The following PRRX2 variants were observed in gnomAD, a reference collection of about 807,000 sequenced individuals.
PRRX2 encodes paired mesoderm homeobox protein 2.
Under a neutral mutation model 18.0 loss-of-function variants are expected in PRRX2, and 11 were observed. The ratio of observed to expected loss-of-function variants is 0.61; its 90% confidence interval spans 0.39 to 1.01. The LOEUF is 1.01. Among genes scored for constraint, PRRX2 ranks in the 50% least tolerant of loss-of-function variants. The pLI is 0.01. For synonymous variants in PRRX2, 177 were observed against 154.8 expected, an observed-to-expected ratio of 1.14 and a Z score of -1.06; for missense variants, 387 against 351.0, an observed-to-expected ratio of 1.10 and a Z score of -0.82.
chr9:129,668,572 G>A (rs913246415), intron 1 of PRRX2, among the ~76,000 whole-genome samples: 7 of 151,844 alleles, frequency 4.6e-5, no homozygotes, highest in African/African-American at 1.5e-4. Context: ...GAGGTCAGGA[G>A]TTTGAGACAA....
rs560529961 is a variant in PRRX2, at chr9:129,676,523, CAG to C, written c.259+10398_259+10399del. Reference sequence around the variant, plus strand: ...GCTAAGTGACTTGCCCAAGGTCACACAGGGGGTGGAGAAGCCAGAGCCCATGT... The same window carrying C: ...GCTAAGTGACTTGCCCAAGGTCACACGGGGTGGAGAAGCCAGAGCCCATGT... On this transcript the variant is annotated intron_variant, in intron 1 of 3. Transcript: ENST00000372469. Among the ~76,000 whole-genome samples, 478 of 152,286 alleles carry C rather than the reference CAG, an allele frequency of 3.1e-3. 3 individuals are homozygous for C. The highest frequency in any genetic ancestry group is 0.01 in the African/African-American group (433 of 41,550).
At chr9:129,693,368 CGGATCACCT>C (rs977677866) in intron 1 of PRRX2, among the ~76,000 whole-genome samples, 1 of 152,106 alleles carries the variant, frequency 6.6e-6, no homozygotes, top group African/African-American at 2.4e-5. Context: ...CCAAGGCGGG[CGGATCACCT>C]GAGGTCAGGA....
chr9:129,719,949 T>G (rs113969401), intron 2 of PRRX2, among the ~76,000 whole-genome samples: 2 of 152,280 alleles, frequency 1.3e-5, no homozygotes, highest in African/African-American at 4.8e-5. Flanking sequence ...ATTGCGCCAC[T>G]GCACTCCAGC....
chr9:129,702,127 G>T (rs566149897), intron 1 of PRRX2, among the ~76,000 whole-genome samples: 1 of 151,114 alleles, frequency 6.6e-6, no homozygotes, highest in East Asian at 2.0e-4. Context: ...GCCAGGCGCG[G>T]TGGCTCACAC....
intron 1 of PRRX2, among the ~76,000 whole-genome samples, chr9:129,683,813 G>A (rs1564147098): frequency 6.6e-6 from 1 of 152,334 alleles, no homozygotes; most frequent in East Asian, 1.9e-4. Flanking sequence ...GAGAAGCACA[G>A]GGGCCTCTGG....
rs920244125 is a variant in PRRX2, at chr9:129,684,522, A to C, written c.259+18396A>C. ...CACACACACACACACACACACACACACCCACACACACCCCAACAGAAAAGA... is the reference window on the plus strand; with the variant it reads ...CACACACACACACACACACACACACCCCCACACACACCCCAACAGAAAAGA... On this transcript the variant is annotated intron_variant, in intron 1 of 3. Coordinates refer to ENST00000372469, the MANE Select transcript of PRRX2 (RefSeq NM_016307.4). 1.9e-3 allele frequency among the ~76,000 whole-genome samples: 76 copies of C among 39,678 alleles called. 1 individual carries two copies. The highest frequency in any genetic ancestry group is 5.5e-3 in the Admixed American group (28 of 5,052). The allele number at this position is 39,678 out of a possible 152,430, so 26.0% of individuals were successfully genotyped here.
In PRRX2 at chr9:129,722,592, G is replaced by A. The variant is rs1832809239; in HGVS notation, c.*240G>A. On this transcript the variant is annotated 3_prime_UTR_variant, in exon 4 of 4. Transcript: ENST00000372469. The stretch of plus-strand genomic sequence containing the variant: ...GTTGGGCCGGAAGGTGGAAGAGCCT[G>A]CCAAGGACCTCATTTAGTTTGTGTA... The A allele has an allele frequency of 2.5e-6, 1 of 395,578 alleles. No individual in the cohort carries two copies. The highest frequency in any genetic ancestry group is 2.1e-5 in the African/African-American group (1 of 48,702). 24.5% of individuals were successfully genotyped at this position (395,578 alleles called of 1,614,324 possible).
chr9:129,721,806 C>A (rs372974125), intron 3 of PRRX2, among the ~76,000 whole-genome samples: 3 of 152,158 alleles, frequency 2.0e-5, no homozygotes, highest in Non-Finnish European at 4.4e-5. Flanking sequence ...GTCTCGAACT[C>A]CTGATCTCAG....
intron 1 of PRRX2, among the ~76,000 whole-genome samples, chr9:129,683,084 G>A (rs1489973738): frequency 6.6e-6 from 1 of 151,994 alleles, no homozygotes; most frequent in Non-Finnish European, 1.5e-5. Context: ...CTCCAGCCTG[G>A]GTGAGAGTGA....
chr9:129,705,698 T>C (rs1472365647), intron 1 of PRRX2, among the ~76,000 whole-genome samples: 1 of 152,068 alleles, frequency 6.6e-6, no homozygotes, highest in Admixed American at 6.6e-5. Flanking sequence ...AGAAGAACTT[T>C]TGGCCTCACC....
At chr9:129,696,783 T>A (rs369865299) in intron 1 of PRRX2, among the ~76,000 whole-genome samples, 2 of 151,488 alleles carry the variant, frequency 1.3e-5, no homozygotes, top group East Asian at 3.9e-4. Context: ...CGCTAAGGGA[T>A]CAAGGTTGCA....
chr9:129,700,880 A>G (rs1050148898), intron 1 of PRRX2, among the ~76,000 whole-genome samples: 8 of 152,304 alleles, frequency 5.3e-5, no homozygotes, highest in African/African-American at 1.7e-4. Context: ...CAGCCTCCCA[A>G]AGTGCTGGGA....
chr9:129,700,234 G>C (rs1832476669), intron 1 of PRRX2, among the ~76,000 whole-genome samples: 1 of 152,148 alleles, frequency 6.6e-6, no homozygotes, highest in African/African-American at 2.4e-5. Context: ...ACTTCCTCAG[G>C]GTCACACAGC....
Position 129,722,353 on chromosome 9 carries a change from AGTCCAGT to A in PRRX2, c.*2_*8del, listed in dbSNP as rs748845072. On this transcript the variant is annotated 3_prime_UTR_variant, in exon 4 of 4. Coordinates refer to ENST00000372469, the MANE Select transcript of PRRX2 (RefSeq NM_016307.4). ...CAGCCAGGTGCCTACGGTGAACTGAAGTCCAGTCCCACCAGGACCCAGACGCCTCCCT... is the reference window on the plus strand; with the variant it reads ...CAGCCAGGTGCCTACGGTGAACTGAACCCACCAGGACCCAGACGCCTCCCT... 6.2e-7 allele frequency: 1 copy of A among 1,613,822 alleles called. No individual in the cohort carries two copies. Among genetic ancestry groups the A allele is most frequent in the Non-Finnish European group, 8.5e-7 (1 of 1,179,978 alleles).
chr9:129,666,569 C>CTA (rs1459694322), intron 1 of PRRX2, among the ~76,000 whole-genome samples: 1 of 105,658 alleles, frequency 9.5e-6, no homozygotes, highest in East Asian at 2.9e-4. Flanking sequence ...GGGTGCCTGC[C>CTA]CACCCCCCCC....
chr9:129,684,459 C>CACA (rs1491097967), intron 1 of PRRX2, among the ~76,000 whole-genome samples: 7 of 134,254 alleles, frequency 5.2e-5, no homozygotes, highest in Admixed American at 5.2e-4. Context: ...CACACACACA[C>CACA]CCAACAGAAA....
chr9:129,675,162 C>T lies in PRRX2; in HGVS notation c.259+9036C>T, dbSNP rs1341435168. The stretch of plus-strand genomic sequence containing the variant: ...GAAGGGCCCGGAAGTGTCCAGTATA[C>T]AGGAGAGGGAGGGGGCTGCGCTGAG... On this transcript the variant is annotated intron_variant, in intron 1 of 3. Transcript: ENST00000372469. This position sits in a 1 kb window ranked among gnomAD's most constrained non-coding sequence, Gnocchi z 4.4. Among the ~76,000 whole-genome samples, 3 of 152,174 alleles carry T rather than the reference C, an allele frequency of 2.0e-5. No individual in the cohort carries two copies. Among genetic ancestry groups the T allele is most frequent in the African/African-American group, 7.2e-5 (3 of 41,440 alleles).
rs3138854 is a variant in PRRX2, at chr9:129,699,439, A to ATGTGTGTGTGTG, written c.260-19770_260-19759dup. On this transcript the variant is annotated intron_variant, in intron 1 of 3. Transcript: ENST00000372469. ...ACTCTGTCTCAAAAAAAATATATATATGTGTGTGTGTGTGTGTGTGTGTGT... is the reference window on the plus strand; with the variant it reads ...ACTCTGTCTCAAAAAAAATATATATATGTGTGTGTGTGTGTGTGTGTGTGTGTGTGTGTGTGT... Among the ~76,000 whole-genome samples, 187 of 145,602 alleles carry ATGTGTGTGTGTG rather than the reference A, an allele frequency of 1.3e-3. 2 individuals carry two copies. Among genetic ancestry groups the ATGTGTGTGTGTG allele is most frequent in the African/African-American group, 4.4e-3 (174 of 39,574 alleles).
chr9:129,716,978 A>G (rs779852919), intron 1 of PRRX2, among the ~76,000 whole-genome samples: 2 of 152,184 alleles, frequency 1.3e-5, no homozygotes, highest in Non-Finnish European at 2.9e-5. Context: ...ATATTATTAA[A>G]TAAAAAGAGG....
Sources: allele counts gnomAD v4.1 joint callset (sites outside exome capture counted in the v4.1 genomes callset), GRCh38; gene constraint gnomAD v4.1.1; non-coding constraint Gnocchi (gnomAD v3.1); transcripts MANE v1.5; gene names NCBI Gene and HGNC (gene_info 2026-07-23, HGNC 2026-07-21).